The following SYNE1 variants were observed in gnomAD, a reference collection of about 807,000 sequenced individuals.
The protein encoded by SYNE1 is spectrin repeat containing nuclear envelope protein 1.
Under a neutral mutation model 1,111.0 loss-of-function variants are expected in SYNE1, and 616 were observed. That is an observed-to-expected ratio of 0.55 (90% CI 0.52 to 0.59). The LOEUF is 0.59. Ranked by LOEUF, SYNE1 falls within the 20% of genes least tolerant of loss-of-function variation. The pLI is 0.00. For synonymous variants in SYNE1, 3,855 were observed against 3,825.8 expected, an observed-to-expected ratio of 1.01 and a Z score of -0.28; for missense variants, 10,006 against 10,417.0, an observed-to-expected ratio of 0.96 and a Z score of 1.72.
chr6:152,453,277 G>C (rs2154253756), intron 25 of SYNE1: 1 of 580,642 alleles, frequency 1.7e-6, no homozygotes. Context: ...ATTCAGCAGA[G>C]AGAAGCTTAT....
intron 131 of SYNE1, 122 bp from the exon 132 acceptor site, chr6:152,156,219 G>A (rs774648434): frequency 1.2e-4 from 122 of 1,035,006 alleles, no homozygotes; most frequent in Non-Finnish European, 1.2e-4. Context: ...TTCCTTGAAT[G>A]TATGACATTT....
intron 28 of SYNE1, among the ~76,000 whole-genome samples, chr6:152,449,052 C>T (rs572200447): frequency 6.6e-6 from 1 of 152,290 alleles, no homozygotes; most frequent in East Asian, 1.9e-4. Flanking sequence ...CTCTGTGGCC[C>T]TGGTGGGGTT....
At chr6:152,434,000 A>G (rs2098452033) in intron 33 of SYNE1, 55 bp from the exon 34 acceptor site, 2 of 1,470,924 alleles carry the variant, frequency 1.4e-6, no homozygotes, top group South Asian at 1.2e-5. Context: ...GAGAACAACA[A>G]CACATTTTCC....
Position 152,471,100 on chromosome 6 carries a change from G to A in SYNE1, c.1632+497C>T, listed in dbSNP as rs1406530663. Among the ~76,000 whole-genome samples, 3 of 152,178 alleles carry A rather than the reference G, an allele frequency of 2.0e-5. No individual in the cohort carries two copies. The East Asian group carries it at 5.8e-4, about 29-fold the overall frequency. On this transcript the variant is annotated intron_variant, in intron 16 of 145. Transcript: ENST00000367255. ...AGATAAAATGTTACTCTTCCAGGGT[G>A]CACACAAGAGGCAATGAAGCCCAGG...
chr6:152,138,552 T>TAAACAAAC (rs1554397460), intron 140 of SYNE1, among the ~76,000 whole-genome samples: 36 of 135,882 alleles, frequency 2.6e-4, no homozygotes, highest in African/African-American at 9.6e-4. Flanking sequence ...AATAAATAAA[T>TAAACAAAC]AAATAAAATA....
At position 152,244,804 on chromosome 6, in the gene SYNE1, G is replaced by A. The variant is rs1007337591; in HGVS notation, c.19573-148C>T. 2.0e-5 allele frequency: 23 copies of A among 1,127,160 alleles called. No homozygotes were observed. In the East Asian group the frequency reaches 3.0e-4, roughly 15 times the overall value. 69.8% of individuals were successfully genotyped at this position (1,127,160 alleles called of 1,614,324 possible). A position where few individuals can be genotyped will look rare whatever the true frequency, so the allele number is the denominator to read the frequency against. ...AGGAATCATTTCAATAAAACAAATC[G>A]AAAGCCATGTTCAGAGGGTATATAG... is the stretch of plus-strand genomic sequence containing the variant. On this transcript the variant is annotated intron_variant, in intron 105 of 145. Coordinates refer to ENST00000367255, the MANE Select transcript of SYNE1 (RefSeq NM_182961.4).
intron 96 of SYNE1, among the ~76,000 whole-genome samples, chr6:152,283,583 C>T (rs1298929229): frequency 1.3e-5 from 2 of 152,336 alleles, no homozygotes; most frequent in East Asian, 3.9e-4. Context: ...GTTGCCCAGG[C>T]TGGAGTGCAG....
At chr6:152,368,876 C>T (rs779802237) in intron 61 of SYNE1, 96 bp downstream of exon 61, 104 of 1,492,710 alleles carry the variant, frequency 7.0e-5, no homozygotes, top group South Asian at 9.1e-5. Context: ...ACACTGTGGG[C>T]GGGTCAGGAT....
Position 152,256,617 on chromosome 6 carries a change from T to C in SYNE1, c.19104+17A>G, listed in dbSNP as rs17082389. ...CTCTTATAAACCAAGCCAAACACAC[T>C]GATAACACAGCCTTACCTGGGATGA... On this transcript the variant is annotated intron_variant, in intron 102 of 145. Transcript: ENST00000367255. 103,696 of 1,612,740 alleles carry C rather than the reference T, an allele frequency of 0.064. 3,916 individuals are homozygous for C. The highest frequency in any genetic ancestry group is 0.14 in the East Asian group (6,095 of 44,810).
chr6:152,367,428 CA>C, intron 61 of SYNE1, 46 bp from the exon 62 acceptor site: 1 of 1,608,824 alleles, frequency 6.2e-7, no homozygotes, highest in Non-Finnish European at 8.5e-7. Context: ...CCCACAGAGA[CA>C]AACTGCAAAG....
At chr6:152,338,874 AGCCC>A (rs1181171314) in intron 75 of SYNE1, among the ~76,000 whole-genome samples, 2 of 152,188 alleles carry the variant, frequency 1.3e-5, no homozygotes, top group Non-Finnish European at 2.9e-5. Context: ...AAGGGTCAAG[AGCCC>A]CTTTCATATT....
intron 70 of SYNE1, among the ~76,000 whole-genome samples, chr6:152,351,433 A>G (rs1191625092): frequency 6.6e-6 from 1 of 152,220 alleles, no homozygotes; most frequent in Non-Finnish European, 1.5e-5. Flanking sequence ...CAAATTTATA[A>G]CACAAATTAT....
chr6:152,501,083 T>C (rs1321989114), intron 10 of SYNE1, among the ~76,000 whole-genome samples: 1 of 152,208 alleles, frequency 6.6e-6, no homozygotes, highest in Non-Finnish European at 1.5e-5. Flanking sequence ...TCACACATCT[T>C]GAAAATTCCA....
At chr6:152,369,415 A>T in intron 60 of SYNE1, 56 bp downstream of exon 60, 1 of 1,613,438 alleles carries the variant, frequency 6.2e-7, no homozygotes, top group Non-Finnish European at 8.5e-7. Flanking sequence ...TGTAAGGTCG[A>T]CAGAGGACGG....
At position 152,139,965 on chromosome 6, in the gene SYNE1, C is replaced by A. The variant is rs886061191; in HGVS notation, c.25443G>T (p.Gln8481His). 1 of 1,613,564 alleles carries A rather than the reference C, an allele frequency of 6.2e-7. No individual in the cohort carries two copies. ...LSTDIQTIEL[Q>H]IKKLKELQKA... ...GGGCAGCTACCTTGAGCTTTTTGAT[C>A]TGGAGCTCGATGGTCTGGATGTCAG... The change falls in exon 140 of 146, where the codon CAG (glutamine) becomes CAT (histidine). Residue 8481 changes from glutamine to histidine, a missense_variant. Around this residue, in one of 7 missense-constraint regions of SYNE1, gnomAD observed 761 missense variants for 795.5 expected, o/e 0.96. Transcript: ENST00000367255.
At chr6:152,372,938 T>C in intron 59 of SYNE1, 99 bp downstream of exon 59, 5 of 1,340,110 alleles carry the variant, frequency 3.7e-6, no homozygotes, top group Admixed American at 3.4e-5. Flanking sequence ...ACCAAAATCA[T>C]TGACAAGGGG....
At chr6:152,124,692 G>A (rs62429700) in intron 145 of SYNE1, among the ~76,000 whole-genome samples, 1 of 48,666 alleles carries the variant, frequency 2.1e-5, no homozygotes, top group African/African-American at 1.5e-4. Context: ...AATAAGCTGA[G>A]GGAAAAAAAA....
At chr6:152,271,495 C>T (rs2093206601) in intron 98 of SYNE1, among the ~76,000 whole-genome samples, 2 of 152,150 alleles carry the variant, frequency 1.3e-5, no homozygotes, top group African/African-American at 4.8e-5. Context: ...TTTGCAAGAC[C>T]TTCAGAATGG....
chr6:152,365,833 A>C (rs11964495), intron 62 of SYNE1, among the ~76,000 whole-genome samples: 7,406 of 152,174 alleles, frequency 0.049, 588 homozygotes, highest in African/African-American at 0.17. Flanking sequence ...TCTTTTTATA[A>C]TGTGGTTCTT....
Sources: allele counts gnomAD v4.1 joint callset (sites outside exome capture counted in the v4.1 genomes callset), GRCh38; gene constraint gnomAD v4.1.1; regional missense constraint gnomAD v4.1.1; transcripts MANE v1.5; gene names NCBI Gene and HGNC (gene_info 2026-07-23, HGNC 2026-07-21).